Variants in DNMBP observed in about 807,000 individuals in gnomAD.
The protein encoded by DNMBP is dynamin-binding protein.
Under a neutral mutation model 150.0 loss-of-function variants are expected in DNMBP, and 87 were observed. The ratio of observed to expected loss-of-function variants is 0.58; its 90% CI spans 0.49 to 0.69. The LOEUF (loss-of-function observed/expected upper bound fraction) is 0.69. DNMBP is among the 30% of genes least tolerant of loss of function. The pLI is 0.00. For missense variants in DNMBP, 1,774 were observed against 1,949.0 expected (o/e 0.91, Z 1.69); for synonymous variants, 711 against 750.4 (o/e 0.95, Z 0.86).
intron 16 of DNMBP, among the ~76,000 whole-genome samples, chr10:99,879,168 A>T (rs1442954090): frequency 6.6e-6 from 1 of 150,658 alleles, no homozygotes; most frequent in Non-Finnish European, 1.5e-5. Flanking sequence ...TTACAAAGAG[A>T]ATAGGAAAAA....
intron 2 of DNMBP, among the ~76,000 whole-genome samples, chr10:99,969,733 C>T (rs769487637): frequency 7.9e-5 from 12 of 152,022 alleles, no homozygotes; most frequent in African/African-American, 1.2e-4. Context: ...AAAGACAGGG[C>T]CTGCCAGTTG....
At chr10:100,008,105 G>A (rs776977601) in intron 1 of DNMBP, among the ~76,000 whole-genome samples, 5 of 152,146 alleles carry the variant, frequency 3.3e-5, no homozygotes, top group Non-Finnish European at 5.9e-5. Context: ...AGCCAGGCTC[G>A]GTGGCTCACG....
Position 99,902,504 on chromosome 10 carries a change from T to C in DNMBP, c.2555-2438A>G, listed in dbSNP as rs565678532. ...TTTGTATTTTTAGTAGAGACAGGGT[T>C]ACACCATGTTGGCCAGGATGGTCTC... On this transcript the variant is annotated intron_variant, in intron 6 of 16. Coordinates refer to ENST00000324109, the MANE Select transcript of DNMBP (RefSeq NM_015221.4). 8.7e-5 allele frequency among the ~76,000 whole-genome samples: 13 copies of C among 150,034 alleles called. No individual in the cohort carries two copies. In the East Asian group the frequency reaches 2.6e-3, roughly 30 times the overall value.
chr10:99,939,652 G>A (rs11190333), intron 4 of DNMBP, among the ~76,000 whole-genome samples: 70,905 of 152,058 alleles, frequency 0.47, 17,509 homozygotes, highest in African/African-American at 0.63. Flanking sequence ...CTAATGAAAG[G>A]TCACCAAGTC....
intron 16 of DNMBP, 103 bp downstream of exon 16, chr10:99,879,708 C>T: frequency 2.6e-6 from 4 of 1,524,064 alleles, no homozygotes; most frequent in Non-Finnish European, 2.6e-6. Flanking sequence ...CATCTCAGAT[C>T]ACCCCTAGGC....
chr10:99,943,870 T>C (rs1158776948), intron 4 of DNMBP, among the ~76,000 whole-genome samples: 1 of 152,262 alleles, frequency 6.6e-6, no homozygotes, highest in Non-Finnish European at 1.5e-5. Flanking sequence ...CTCCAGCTTG[T>C]TAATCTACTG....
chr10:99,898,597 G>C, intron 8 of DNMBP, 146 bp downstream of exon 8: 2 of 846,490 alleles, frequency 2.4e-6, no homozygotes, highest in Non-Finnish European at 3.9e-6. Context: ...TGTTCCCTTG[G>C]GGATAAGTGC....
intron 14 of DNMBP, among the ~76,000 whole-genome samples, chr10:99,885,124 C>T (rs1304103665): frequency 6.6e-6 from 1 of 152,090 alleles, no homozygotes; most frequent in Non-Finnish European, 1.5e-5. Context: ...ATGAATACAT[C>T]ATAAAAAATA....
At chr10:99,960,679 G>A (rs1211332160) in intron 3 of DNMBP, among the ~76,000 whole-genome samples, 7 of 152,090 alleles carry the variant, frequency 4.6e-5, no homozygotes, top group Non-Finnish European at 1.0e-4. Flanking sequence ...GGGGGTGCAC[G>A]CCTATAACCC....
At chr10:99,989,783 CTAAACTGCTATGTACCCCCTCTTCTAT>C (rs68184460) in intron 1 of DNMBP, among the ~76,000 whole-genome samples, 56,236 of 143,054 alleles carry the variant, frequency 0.39, 15,511 homozygotes, top group African/African-American at 0.55. Flanking sequence ...CTCAGATCAG[CTAAACTGCTATGTACCCCCTCTTCTAT>C]TAAACTGCTA....
At chr10:99,913,516 C>T (rs2039926513) in intron 4 of DNMBP, among the ~76,000 whole-genome samples, 2 of 152,142 alleles carry the variant, frequency 1.3e-5, no homozygotes, top group Admixed American at 6.5e-5. Flanking sequence ...AATGTGCAGA[C>T]GAGCTCTTAC....
chr10:99,932,904 C>T lies in DNMBP; in HGVS notation c.2260+22310G>A, dbSNP rs566064638. The stretch of plus-strand genomic sequence containing the variant: ...TACCAATCTAATGGAAAAAGTGATC[C>T]GTTCCTAAGGAATCACCTAGGATCC... On this transcript the variant is annotated intron_variant, in intron 4 of 16. Transcript: ENST00000324109. 1.8e-3 allele frequency among the ~76,000 whole-genome samples: 273 copies of T among 151,764 alleles called. 1 individual carries two copies. The highest frequency in any genetic ancestry group is 6.2e-3 in the African/African-American group (254 of 41,212).
intron 1 of DNMBP, among the ~76,000 whole-genome samples, chr10:100,002,304 A>G (rs2041022757): frequency 6.6e-6 from 1 of 151,384 alleles, no homozygotes; most frequent in African/African-American, 2.4e-5. Flanking sequence ...AATTAGGAAA[A>G]AAAATGGCTA....
At chr10:99,914,009 G>A (rs997434708) in intron 4 of DNMBP, 63 of 1,508,260 alleles carry the variant, frequency 4.2e-5, no homozygotes, top group Non-Finnish European at 5.5e-5. Flanking sequence ...TAAGCAGGCG[G>A]GACAGAATCT....
Position 99,876,418 on chromosome 10 carries a change from G to C in DNMBP, c.*733C>G, listed in dbSNP as rs2039275405. The C allele has an allele frequency of 6.6e-6, 1 of 151,366 alleles. No individual in the cohort carries two copies. The highest frequency in any genetic ancestry group is 1.5e-5 in the Non-Finnish European group (1 of 67,902). The allele number at this position is 151,366 out of a possible 1,614,324, so 9.4% of individuals were successfully genotyped here. On this transcript the variant is annotated 3_prime_UTR_variant, in exon 17 of 17. Coordinates refer to ENST00000324109, the MANE Select transcript of DNMBP (RefSeq NM_015221.4). ...TCAAAAAAAAAAGCGGGGGGGCAGT[G>C]ATTGTACCTAACAAGGGAAGAGAAT...
intron 4 of DNMBP, among the ~76,000 whole-genome samples, chr10:99,948,911 C>G (rs531424766): frequency 7.3e-5 from 11 of 151,514 alleles, no homozygotes; most frequent in African/African-American, 2.7e-4. Context: ...TGCAGTGAGC[C>G]AAGATCACGC....
chr10:99,998,062 C>T (rs1007619985), intron 1 of DNMBP, among the ~76,000 whole-genome samples: 4 of 150,900 alleles, frequency 2.7e-5, no homozygotes, highest in African/African-American at 4.9e-5. Context: ...AGTGAAACCC[C>T]ATCTCTACTA....
chr10:99,877,110 G>A lies in DNMBP; in HGVS notation c.*41C>T. The A allele has an allele frequency of 6.4e-7, 1 of 1,568,094 alleles. No homozygotes were observed. Among genetic ancestry groups the A allele is most frequent in the Non-Finnish European group, 8.6e-7 (1 of 1,156,590 alleles). ...GGGCCGCCAGAACCCTCGGCGGACTGAAAGCAAAGGCAGCAAGGCTGGGTG... is the reference window on the plus strand; with the variant it reads ...GGGCCGCCAGAACCCTCGGCGGACTAAAAGCAAAGGCAGCAAGGCTGGGTG... On this transcript the variant is annotated 3_prime_UTR_variant, in exon 17 of 17. Coordinates refer to ENST00000324109, the MANE Select transcript of DNMBP (RefSeq NM_015221.4).
At chr10:99,992,673 C>G (rs191945509) in intron 1 of DNMBP, among the ~76,000 whole-genome samples, 13,484 of 151,748 alleles carry the variant, frequency 0.089, 936 homozygotes, top group African/African-American at 0.19. Context: ...ACTATAGGCG[C>G]CCGCCACTAA....
Sources: allele counts gnomAD v4.1 joint callset (sites outside exome capture counted in the v4.1 genomes callset), GRCh38; gene constraint gnomAD v4.1.1; transcripts MANE v1.5; gene names NCBI Gene and HGNC (gene_info 2026-07-23, HGNC 2026-07-21).